EPHB6: variants seen among roughly 807,000 people sequenced by gnomAD.
EPHB6 encodes the protein EPH receptor B6.
Under a neutral mutation model 107.0 loss-of-function variants are expected in EPHB6, and 51 were observed. The observed-to-expected ratio is 0.48, with a 90% confidence interval of 0.38 to 0.60. EPHB6 has a LOEUF of 0.60. Ranked by LOEUF, EPHB6 falls within the 20% of genes least tolerant of loss-of-function variation. The pLI is 0.00. For synonymous variants in EPHB6, 553 were observed against 549.0 expected (o/e 1.01, Z -0.10); for missense variants, 1,141 against 1,355.5 (o/e 0.84, Z 2.48).
At position 142,866,724 on chromosome 7, in the gene EPHB6, G is replaced by A. The variant is rs1462256124; in HGVS notation, c.1587+119G>A. On this transcript the variant is annotated intron_variant, in intron 10 of 19. Transcript: ENST00000652003. This position sits in a 1 kb window ranked among gnomAD's most constrained non-coding sequence, Gnocchi z 5.2. ...TGAGGGGTCCGCAACAGGGCTGGCA[G>A]GAGCTCACAGTCCCCACAGTAGGGG... The A allele has an allele frequency of 9.8e-5, 156 of 1,592,760 alleles. No homozygotes were observed. The highest frequency in any genetic ancestry group is 1.3e-4 in the Non-Finnish European group (150 of 1,165,602).
chr7:142,870,962 C>A lies in EPHB6; in HGVS notation c.*58C>A. The A allele has an allele frequency of 2.6e-6, 4 of 1,523,456 alleles. No individual in the cohort carries two copies. Among genetic ancestry groups the A allele is most frequent in the Non-Finnish European group, 3.6e-6 (4 of 1,121,538 alleles). The allele number at this position is 1,523,456 out of a possible 1,614,324, so 94.4% of individuals were successfully genotyped here. A position where few individuals can be genotyped will look rare whatever the true frequency, so the allele number is the denominator to read the frequency against. Reference sequence around the variant, plus strand: ...CTGGTCCGAGAAGGGACATGTGGGACGTGAGCCGGGCTCCAACAGCCTCTG... The same window carrying A: ...CTGGTCCGAGAAGGGACATGTGGGAAGTGAGCCGGGCTCCAACAGCCTCTG... On this transcript the variant is annotated 3_prime_UTR_variant, in exon 20 of 20. Coordinates refer to ENST00000652003, the MANE Select transcript of EPHB6 (RefSeq NM_004445.6).
At chr7:142,862,894 AAC>A (rs922458491) in intron 4 of EPHB6, 61 bp downstream of exon 4, 2 of 308,742 alleles carry the variant, frequency 6.5e-6, no homozygotes, top group Non-Finnish European at 1.2e-5. Flanking sequence ...GTGAGAAATG[AAC>A]ACAGAGACAG....
At position 142,867,834 on chromosome 7, in the gene EPHB6, C is replaced by T. The variant is rs1004082459; in HGVS notation, c.1865+112C>T. ...AGAAACCTCACACTGGTGCTCCTCC[C>T]GTCAGCCAGCCCCTGCCCTGGGCCC... On this transcript the variant is annotated intron_variant, in intron 12 of 19. Transcript: ENST00000652003. This position sits in a 1 kb window ranked among gnomAD's most constrained non-coding sequence, Gnocchi z 5.3. 1.4e-5 allele frequency: 20 copies of T among 1,422,214 alleles called. No individual in the cohort carries two copies. Among genetic ancestry groups the T allele is most frequent in the South Asian group, 8.6e-5 (7 of 81,552 alleles). The allele number at this position is 1,422,214 out of a possible 1,614,324, so 88.1% of individuals were successfully genotyped here.
intron 7 of EPHB6, 46 bp from the exon 8 acceptor site, chr7:142,865,429 G>A (rs1307116741): frequency 6.2e-7 from 1 of 1,610,624 alleles, no homozygotes; most frequent in East Asian, 2.2e-5. Context: ...CTCAGGGTGG[G>A]TGGACAGAGC....
chr7:142,857,285 C>T (rs958633458), intron 1 of EPHB6, among the ~76,000 whole-genome samples: 1 of 152,206 alleles, frequency 6.6e-6, no homozygotes, highest in Non-Finnish European at 1.5e-5. Flanking sequence ...TACAAATTGG[C>T]TTCTCCAGCC....
chr7:142,870,780 C>T lies in EPHB6; in HGVS notation c.2961-16C>T, dbSNP rs374937677. On this transcript the variant is annotated splice_polypyrimidine_tract_variant and intron_variant, in intron 19 of 19. Coordinates refer to ENST00000652003, the MANE Select transcript of EPHB6 (RefSeq NM_004445.6). ...GGAGAAGCTGGCCCAGATTTGATCCCTTCCCTCCCCACCAGAGACCTGCCT... is the reference window on the plus strand; with the variant it reads ...GGAGAAGCTGGCCCAGATTTGATCCTTTCCCTCCCCACCAGAGACCTGCCT... The T allele has an allele frequency of 2.5e-5, 41 of 1,614,042 alleles. No individual in the cohort carries two copies. Among genetic ancestry groups the T allele is most frequent in the Non-Finnish European group, 3.2e-5 (38 of 1,179,996 alleles).
Position 142,855,171 on chromosome 7 carries a change from C to G in EPHB6, c.-646C>G, listed in dbSNP as rs1312958667. On this transcript the variant is annotated 5_prime_UTR_variant, in exon 1 of 20. In the 5' UTR this introduces an upstream ATG that the reference lacks. Coordinates refer to ENST00000652003, the MANE Select transcript of EPHB6 (RefSeq NM_004445.6). This position sits in a 1 kb window ranked among gnomAD's most constrained non-coding sequence, Gnocchi z 4.2. Reference sequence around the variant, plus strand: ...CGATCTCGACGCGGGCCCCCAGGATCTCCCGGCGCCCCACCTCTGGAGCAG... The same window carrying G: ...CGATCTCGACGCGGGCCCCCAGGATGTCCCGGCGCCCCACCTCTGGAGCAG... 1 of 152,216 alleles carries G rather than the reference C, an allele frequency of 6.6e-6. No homozygotes were observed. Among genetic ancestry groups the G allele is most frequent in the Non-Finnish European group, 1.5e-5 (1 of 68,080 alleles). 9.4% of individuals were successfully genotyped at this position (152,216 alleles called of 1,614,324 possible).
At chr7:142,856,140 C>T (rs775500387) in intron 1 of EPHB6, among the ~76,000 whole-genome samples, 1 of 152,182 alleles carries the variant, frequency 6.6e-6, no homozygotes, top group African/African-American at 2.4e-5. Context: ...TGGGTCTGTT[C>T]CCAGTTAACC....
At chr7:142,858,154 A>AAATT (rs1802687055) in intron 1 of EPHB6, among the ~76,000 whole-genome samples, 1 of 152,204 alleles carries the variant, frequency 6.6e-6, no homozygotes, top group Non-Finnish European at 1.5e-5. Flanking sequence ...GTGTAAGACA[A>AAATT]AATTAATGCC....
Position 142,867,729 on chromosome 7 carries a change from C to T in EPHB6, c.1865+7C>T. On this transcript the variant is annotated splice_region_variant and intron_variant, in intron 12 of 19. Transcript: ENST00000652003. The surrounding 1 kb of genome is among the most constrained non-coding windows in gnomAD (Gnocchi z 5.3). ...TGGCGGTCGTCTTCCAGCGGTGAGT[C>T]CCCACCCCTGCCCAACTCTGCCCAG... 6.2e-7 allele frequency: 1 copy of T among 1,604,986 alleles called. No homozygotes were observed.
rs776486116 is a variant in EPHB6 at position 142,866,041 on chromosome 7, TG to T, written c.1193del (p.Gly398ValfsTer44). 1.2e-6 allele frequency: 2 copies of T among 1,613,014 alleles called. No individual in the cohort carries two copies. The highest frequency in any genetic ancestry group is 1.7e-6 in the Non-Finnish European group (2 of 1,179,562). On this transcript the variant is annotated frameshift_variant, in exon 9 of 20. Coordinates refer to ENST00000652003, the MANE Select transcript of EPHB6 (RefSeq NM_004445.6). LOFTEE classifies it high-confidence loss of function. The surrounding 1 kb of genome is among the most constrained non-coding windows in gnomAD (Gnocchi z 5.2). The part of the protein sequence containing the change: ...LMLHWRLPRE[L>X]GGRGDLLFNV... ...CTACACTGGCGCCTGCCTCGGGAGC[TG>T]GGGGGTCGAGGGGACCTGCTCTTCA...
intron 4 of EPHB6, 28 bp from the exon 5 acceptor site, chr7:142,863,099 C>A: frequency 1.4e-6 from 1 of 719,384 alleles, no homozygotes; most frequent in Non-Finnish European, 2.4e-6. Flanking sequence ...TTCCCACCTG[C>A]CTCTTCTGGT....
In EPHB6 at chr7:142,870,493, G is replaced by A. The variant is rs371190459; in HGVS notation, c.2805-37G>A. On this transcript the variant is annotated intron_variant, in intron 18 of 19. Transcript: ENST00000652003. ...AACTGAGGAGAGGGGCTAAGATGAAGAGGAGACCTTGACCCTGCTTGCCCC... is the reference window on the plus strand; with the variant it reads ...AACTGAGGAGAGGGGCTAAGATGAAAAGGAGACCTTGACCCTGCTTGCCCC... The A allele has an allele frequency of 1.9e-6, 3 of 1,613,956 alleles. No individual in the cohort carries two copies. In the African/African-American group the frequency reaches 4.0e-5, roughly 22 times the overall value.
At chr7:142,858,953 A>G (rs1394188867) in intron 1 of EPHB6, among the ~76,000 whole-genome samples, 2 of 152,190 alleles carry the variant, frequency 1.3e-5, no homozygotes, top group Non-Finnish European at 2.9e-5. Flanking sequence ...AAAGTCATAG[A>G]CTGCAATTTT....
Position 142,855,416 on chromosome 7 carries a change from TGG to T in EPHB6, c.-432+35_-432+36del, listed in dbSNP as rs996787566. The T allele has an allele frequency of 1.3e-5, 2 of 152,248 alleles. No homozygotes were observed. The highest frequency in any genetic ancestry group is 2.9e-5 in the Non-Finnish European group (2 of 68,212). The allele number at this position is 152,248 out of a possible 1,614,324, so 9.4% of individuals were successfully genotyped here. ...CCCGCGGGGTTAGCAGGCGGCGTTG[TGG>T]GGGTCGGGGACAGTATGCTTGGGGA... is the stretch of plus-strand genomic sequence containing the variant. On this transcript the variant is annotated intron_variant, in intron 1 of 19. Coordinates refer to ENST00000652003, the MANE Select transcript of EPHB6 (RefSeq NM_004445.6). The surrounding 1 kb of genome is among the most constrained non-coding windows in gnomAD (Gnocchi z 4.2).
chr7:142,866,063 C>A lies in EPHB6; in HGVS notation c.1209C>A (p.Leu403=). 1 of 1,611,842 alleles carries A rather than the reference C, an allele frequency of 6.2e-7. No homozygotes were observed. Among genetic ancestry groups the A allele is most frequent in the Non-Finnish European group, 8.5e-7 (1 of 1,178,954 alleles). The part of the protein sequence containing the change: ...PRELGGRGDL[L]FNVVCKECEG... ...AGCTGGGGGGTCGAGGGGACCTGCTCTTCAATGTCGTGTGCAAGGAGTGTG... is the reference window on the plus strand; with the variant it reads ...AGCTGGGGGGTCGAGGGGACCTGCTATTCAATGTCGTGTGCAAGGAGTGTG... The change falls in exon 9 of 20, where the codon CTC becomes CTA. Residue 403 remains leucine, a synonymous_variant. Coordinates refer to ENST00000652003, the MANE Select transcript of EPHB6 (RefSeq NM_004445.6). This position sits in a 1 kb window ranked among gnomAD's most constrained non-coding sequence, Gnocchi z 5.2.
At chr7:142,859,869 T>A (rs1343469245) in intron 1 of EPHB6, among the ~76,000 whole-genome samples, 1 of 152,238 alleles carries the variant, frequency 6.6e-6, no homozygotes, top group African/African-American at 2.4e-5. Flanking sequence ...CTGAGTGGCC[T>A]TAACATCCAT....
intron 1 of EPHB6, among the ~76,000 whole-genome samples, chr7:142,860,820 C>A (rs996833933): frequency 2.0e-5 from 3 of 151,974 alleles, no homozygotes; most frequent in South Asian, 4.2e-4. Context: ...CAGCACAGCC[C>A]GCAGTGCCAG....
chr7:142,870,487 G>A, intron 18 of EPHB6, 43 bp from the exon 19 acceptor site: 1 of 1,614,030 alleles, frequency 6.2e-7, no homozygotes, highest in Non-Finnish European at 8.5e-7. Flanking sequence ...GAGGGGCTAA[G>A]ATGAAGAGGA....
Sources: gnomAD v4.1 joint callset for allele counts (sites outside exome capture counted in the v4.1 genomes callset) on GRCh38, gnomAD v4.1.1 for gene constraint, Gnocchi (gnomAD v3.1) non-coding constraint, MANE v1.5 for transcripts, NCBI Gene and HGNC (gene_info 2026-07-23, HGNC 2026-07-21) for gene names.